Variants in MYO19 observed in about 807,000 individuals in gnomAD.
MYO19 encodes the protein unconventional myosin-XIX.
A neutral mutation model predicts 129.2 loss-of-function variants in MYO19; 132 were observed. The ratio of observed to expected loss-of-function variants is 1.02; its 90% CI spans 0.89 to 1.18. The LOEUF is 1.18. MYO19 is among the 50% of genes most tolerant of loss of function. The pLI is 0.00. For synonymous variants in MYO19, 531 were observed against 477.2 expected, an observed-to-expected ratio of 1.11 and a Z score of -1.47; for missense variants, 1,210 against 1,216.7, an observed-to-expected ratio of 0.99 and a Z score of 0.08.
At position 36,506,540 on chromosome 17, in the gene MYO19, A is replaced by G. The variant is rs372328281; in HGVS notation, c.1713T>C (p.Phe571=). The G allele has an allele frequency of 3.8e-6, 6 of 1,595,204 alleles. No individual in the cohort carries two copies. Among genetic ancestry groups the G allele is most frequent in the Admixed American group, 1.8e-5 (1 of 55,374 alleles). The change falls in exon 18 of 26, where the codon TTT becomes TTC. Residue 571 remains phenylalanine (F), a synonymous_variant. Transcript: ENST00000614623. Reference sequence around the variant, plus strand: ...GGGTCTTCTCTTTGGGGTTAGTAGGAAACAGCCCCATGAGCAGGGGGTCCT... The same window carrying G: ...GGGTCTTCTCTTTGGGGTTAGTAGGGAACAGCCCCATGAGCAGGGGGTCCT... ...QSQDPLLMGL[F]PTNPKEKTQE...
At chr17:36,499,190 G>A (rs370907582) in intron 23 of MYO19, 30 bp from the exon 24 acceptor site, 142 of 1,549,066 alleles carry the variant, frequency 9.2e-5, no homozygotes, top group Non-Finnish European at 1.1e-4. Flanking sequence ...ACAGGAAAGA[G>A]ATAATAAAGG....
At chr17:36,537,356 T>C, upstream of MYO19, 1 of 1,613,966 alleles carries the variant, frequency 6.2e-7, no homozygotes, top group Non-Finnish European at 8.5e-7. Flanking sequence ...AGCTTCTCGG[T>C]GTAATTATCT....
At chr17:36,507,347 A>G (rs1427769562) in intron 16 of MYO19, 52 bp downstream of exon 16, 1 of 1,558,096 alleles carries the variant, frequency 6.4e-7, no homozygotes, top group Admixed American at 1.7e-5. Context: ...TCAAGGCCCC[A>G]GAAAACCCAA....
At chr17:36,516,074 G>A in intron 6 of MYO19, 84 bp from the exon 7 acceptor site, 1 of 1,441,110 alleles carries the variant, frequency 6.9e-7, no homozygotes, top group Non-Finnish European at 9.2e-7. Flanking sequence ...GCCCACCAGA[G>A]CTCTCTTCTC....
At chr17:36,513,397 C>T (rs372197027) in intron 11 of MYO19, 32 bp downstream of exon 11, 4 of 1,613,964 alleles carry the variant, frequency 2.5e-6, no homozygotes, top group Non-Finnish European at 3.4e-6. Flanking sequence ...GTCATCTCTG[C>T]CAAACTTAAG....
At chr17:36,512,502 G>A (rs1023502276) in intron 11 of MYO19, among the ~76,000 whole-genome samples, 8 of 151,980 alleles carry the variant, frequency 5.3e-5, no homozygotes, top group Admixed American at 1.3e-4. Context: ...CTGGTCTTCC[G>A]GCCACAACTT....
chr17:36,536,875 ATAATT>A (rs1047871761), upstream of MYO19, among the ~76,000 whole-genome samples: 5 of 152,200 alleles, frequency 3.3e-5, no homozygotes, highest in Admixed American at 2.0e-4. Context: ...TTTGTAACCA[ATAATT>A]TAATATTATT....
At chr17:36,498,624 T>C in intron 24 of MYO19, 65 bp from the exon 25 acceptor site, 2 of 1,470,780 alleles carry the variant, frequency 1.4e-6, no homozygotes, top group Non-Finnish European at 1.8e-6. Context: ...AAAATGGAAA[T>C]CAAAACTATC....
upstream of MYO19, chr17:36,539,395 A>G (rs533822684): frequency 1.8e-5 from 3 of 166,630 alleles, no homozygotes; most frequent in South Asian, 2.1e-4. Context: ...AAACACTCCA[A>G]TGTGCAGATG....
intron 17 of MYO19, 59 bp from the exon 18 acceptor site, chr17:36,506,667 C>G: frequency 6.7e-7 from 1 of 1,493,112 alleles, no homozygotes; most frequent in Non-Finnish European, 8.9e-7. Context: ...TCAGGGCCAT[C>G]CACTGCCCAC....
Position 36,515,005 on chromosome 17 carries a change from G to A in MYO19, c.617+108C>T, listed in dbSNP as rs2142097011. On this transcript the variant is annotated intron_variant, in intron 8 of 25. Coordinates refer to ENST00000614623, the MANE Select transcript of MYO19 (RefSeq NM_001163735.2). ...CTGAGGTAAAGGGCATGCACCAGGA[G>A]GAGCAGGGTTTTTGCCCATAGGGGT... is the stretch of plus-strand genomic sequence containing the variant. The A allele has an allele frequency of 3.3e-6, 3 of 912,962 alleles. No individual in the cohort carries two copies. In the East Asian group the frequency reaches 8.1e-5, roughly 25 times the overall value. The allele number at this position is 912,962 out of a possible 1,614,324, so 56.6% of individuals were successfully genotyped here.
chr17:36,533,515 G>T (rs887251620), intron 2 of MYO19: 1 of 152,168 alleles, frequency 6.6e-6, no homozygotes, highest in African/African-American at 2.4e-5. Context: ...AGGGTGAAGC[G>T]TGCCTGCAAT....
At chr17:36,499,595 CAATT>C (rs961451681) in intron 23 of MYO19, 2 of 147,806 alleles carry the variant, frequency 1.4e-5, no homozygotes, top group African/African-American at 5.0e-5. Flanking sequence ...AACACTGATA[CAATT>C]AATAGATGGT....
At chr17:36,505,484 T>A in intron 18 of MYO19, 80 bp from the exon 19 acceptor site, 1 of 982,676 alleles carries the variant, frequency 1.0e-6, no homozygotes, top group Non-Finnish European at 1.6e-6. Flanking sequence ...AGTAACTACA[T>A]CAAATGCCTC....
chr17:36,495,834 T>TTA lies in MYO19; in HGVS notation c.*416_*417insTA. 7 of 1,241,936 alleles carry TTA rather than the reference T, an allele frequency of 5.6e-6. No homozygotes were observed. Among genetic ancestry groups the TTA allele is most frequent in the Non-Finnish European group, 7.0e-6 (7 of 993,876 alleles). The allele number at this position is 1,241,936 out of a possible 1,614,324, so 76.9% of individuals were successfully genotyped here. On this transcript the variant is annotated 3_prime_UTR_variant, in exon 26 of 26. Coordinates refer to ENST00000614623, the MANE Select transcript of MYO19 (RefSeq NM_001163735.2). ...AATTAAATACTAAAGTTTTGTTCCT[T>TTA]TTTAAAGGAAATAACCACAAGATTT... is the stretch of plus-strand genomic sequence containing the variant.
intron 18 of MYO19, 147 bp downstream of exon 18, chr17:36,506,309 A>C: frequency 1.1e-6 from 1 of 932,814 alleles, no homozygotes; most frequent in East Asian, 2.4e-5. Flanking sequence ...TCCACACTGA[A>C]GTATAAACTC....
Position 36,511,450 on chromosome 17 carries a change from T to G in MYO19, c.900A>C (p.Leu300=). Residue 300 remains leucine, a synonymous_variant, in exon 12 of 26, where the codon CTA becomes CTC. Coordinates refer to ENST00000614623, the MANE Select transcript of MYO19 (RefSeq NM_001163735.2). ...TPTQNNIFKV[L]AGLLHLGNIQ... is the part of the protein sequence containing the mutation. ...TATTGCCAAGGTGCAGCAGTCCAGC[T>G]AGGACCTGGGGGAAAGAAAAGGATG... The G allele has an allele frequency of 6.4e-7, 1 of 1,560,076 alleles. No individual in the cohort carries two copies. Among genetic ancestry groups the G allele is most frequent in the Non-Finnish European group, 8.7e-7 (1 of 1,152,002 alleles).
rs7502698 is a variant in MYO19, at chr17:36,498,122, T to G, written c.2757+144A>C. 7.8e-3 allele frequency: 6,208 copies of G among 792,312 alleles called. 261 individuals carry two copies. The African/African-American group carries it at 0.091, about 12-fold the overall frequency. 49.1% of individuals were successfully genotyped at this position (792,312 alleles called of 1,614,324 possible). Reference sequence around the variant, plus strand: ...TAAATAATCCAAACCTGCAGCTGATTGGGACATGCAGCCCTCTGGTTTACC... The same window carrying G: ...TAAATAATCCAAACCTGCAGCTGATGGGGACATGCAGCCCTCTGGTTTACC... On this transcript the variant is annotated intron_variant, in intron 25 of 25. Transcript: ENST00000614623.
Position 36,507,460 on chromosome 17 carries a change from T to C in MYO19, c.1406A>G (p.Asn469Ser), listed in dbSNP as rs2071993346. 3 of 1,613,766 alleles carry C rather than the reference T, an allele frequency of 1.9e-6. No individual in the cohort carries two copies. The highest frequency in any genetic ancestry group is 1.7e-6 in the Non-Finnish European group (2 of 1,179,870). The change falls in exon 16 of 26, where the codon AAC becomes AGC. Residue 469 changes from asparagine to serine, a missense_variant. Coordinates refer to ENST00000614623, the MANE Select transcript of MYO19 (RefSeq NM_001163735.2). ...LEWSFINYQD[N>S]QPCLDLIEGS... ...CTCAATGAGATCCAAACAGGGCTGGTTGTCCTGGTAGTTGATGAATGACCA... is the reference window on the plus strand; with the variant it reads ...CTCAATGAGATCCAAACAGGGCTGGCTGTCCTGGTAGTTGATGAATGACCA...
Sources: gnomAD v4.1 joint callset for allele counts (sites outside exome capture counted in the v4.1 genomes callset) on GRCh38, gnomAD v4.1.1 for gene constraint, MANE v1.5 for transcripts, NCBI Gene and HGNC (gene_info 2026-07-23, HGNC 2026-07-21) for gene names.